The following HECW2 variants were observed in gnomAD, a reference collection of about 807,000 sequenced individuals.
HECW2 encodes E3 ubiquitin-protein ligase HECW2.
A neutral mutation model predicts 175.2 loss-of-function variants in HECW2; 61 were observed. The observed-to-expected ratio is 0.35, with a 90% CI of 0.28 to 0.43. The LOEUF is 0.43. HECW2 is among the 20% of genes least tolerant of loss of function. The pLI is 1.00. For missense variants in HECW2, 1,524 were observed against 2,000.5 expected (o/e 0.76, Z 4.54); for synonymous variants, 671 against 731.0 (o/e 0.92, Z 1.32).
intron 2 of HECW2, among the ~76,000 whole-genome samples, chr2:196,367,330 G>A (rs12327933): frequency 0.34 from 51,062 of 152,016 alleles, 11,436 homozygotes; most frequent in African/African-American, 0.64. Flanking sequence ...GGTCTTAGGC[G>A]TTTGCATTTT....
intron 17 of HECW2, among the ~76,000 whole-genome samples, chr2:196,266,192 A>G (rs1402323941): frequency 1.3e-5 from 2 of 151,068 alleles, no homozygotes; most frequent in African/African-American, 4.9e-5. Flanking sequence ...AAAAAACACA[A>G]AACAATTAGC....
intron 21 of HECW2, chr2:196,239,680 TGAA>T (rs1195109878): frequency 2.0e-5 from 3 of 152,076 alleles, no homozygotes; most frequent in East Asian, 1.9e-4. Flanking sequence ...TGCTGAGTTA[TGAA>T]GAAGATGTTG....
chr2:196,353,370 C>T (rs1204619504), intron 2 of HECW2, among the ~76,000 whole-genome samples: 2 of 152,186 alleles, frequency 1.3e-5, no homozygotes, highest in East Asian at 3.8e-4. Flanking sequence ...ATCCATAATC[C>T]TTATCATCTT....
intron 1 of HECW2, among the ~76,000 whole-genome samples, chr2:196,544,772 A>G (rs777489638): frequency 1.3e-5 from 2 of 152,180 alleles, no homozygotes; most frequent in Non-Finnish European, 2.9e-5. Flanking sequence ...AAAAACTGGC[A>G]TACCACACAC....
chr2:196,554,203 G>A (rs1321106902), intron 1 of HECW2, among the ~76,000 whole-genome samples: 1 of 152,034 alleles, frequency 6.6e-6, no homozygotes, highest in Non-Finnish European at 1.5e-5. Context: ...GCGGGCGCCT[G>A]TAGTCCCAGC....
Position 196,319,612 on chromosome 2 carries a change from A to T in HECW2, c.1278T>A (p.Asn426Lys). ...TCGCTGTCCCCGGCCTGGAGTGGCCATTGTGTTCGATAGCATCTAAGTAAT... is the reference window on the plus strand; with the variant it reads ...TCGCTGTCCCCGGCCTGGAGTGGCCTTTGTGTTCGATAGCATCTAAGTAAT... ...LNDYLDAIEH[N>K]GHSRPGTATC... Residue 426 changes from asparagine (N) to lysine (K), a missense_variant, in exon 9 of 29, where the codon AAT (asparagine) becomes AAA (lysine). Around this residue, in one of 11 missense-constraint regions of HECW2, gnomAD observed 604 missense variants for 588.3 expected, o/e 1.03. Transcript: ENST00000644978. The T allele has an allele frequency of 6.2e-7, 1 of 1,614,198 alleles. No homozygotes were observed. Among genetic ancestry groups the T allele is most frequent in the South Asian group, 1.1e-5 (1 of 91,086 alleles).
chr2:196,350,575 C>T (rs989108946), intron 2 of HECW2, among the ~76,000 whole-genome samples: 1 of 152,158 alleles, frequency 6.6e-6, no homozygotes, highest in African/African-American at 2.4e-5. Context: ...TGCTGTGGAC[C>T]ATGCATATGT....
Position 196,433,384 on chromosome 2 carries a change from G to A in HECW2, c.40C>T (p.Arg14Cys), listed in dbSNP as rs1332568073. 1.2e-6 allele frequency: 2 copies of A among 1,613,976 alleles called. No individual in the cohort carries two copies. The highest frequency in any genetic ancestry group is 1.7e-5 in the Admixed American group (1 of 59,996). The change falls in exon 2 of 29, where the codon CGT becomes TGT. Residue 14 changes from arginine to cysteine, a missense_variant. Arg to Cys is a radical substitution (Grantham distance 180). Coordinates refer to ENST00000644978, the MANE Select transcript of HECW2 (RefSeq NM_001348768.2). ...SAREHLLFVR[R>C]RNPQMRYTLS... ...GTGTACCGCATCTGGGGATTTCGAC[G>A]CCTCACAAAAAGCAGGTGCTCCCGG...
intron 21 of HECW2, among the ~76,000 whole-genome samples, chr2:196,231,467 A>T (rs1286166591): frequency 6.6e-6 from 1 of 152,216 alleles, no homozygotes; most frequent in Non-Finnish European, 1.5e-5. Flanking sequence ...CTGCAGGTCC[A>T]ATCTGCCCCA....
At chr2:196,292,783 C>A (rs766181854) in intron 13 of HECW2, 33 bp from the exon 14 acceptor site, 1 of 1,554,990 alleles carries the variant, frequency 6.4e-7, no homozygotes, top group African/African-American at 1.4e-5. Context: ...AATGTTAACC[C>A]ACTTGTGACA....
At position 196,580,286 on chromosome 2, in the gene HECW2, AG is replaced by A. The variant is rs377079654; in HGVS notation, c.-36+13221del. Among the ~76,000 whole-genome samples, 736 of 152,318 alleles carry A rather than the reference AG, an allele frequency of 4.8e-3. 6 individuals are homozygous for A. The highest frequency in any genetic ancestry group is 0.016 in the African/African-American group (684 of 41,572). ...AAAACAACTAAAGATCAACAAGGAC[AG>A]TTATAACACCAAAAGCACAAGGAAC... On this transcript the variant is annotated intron_variant, in intron 1 of 28. Transcript: ENST00000644978.
chr2:196,578,310 T>G (rs1690634414), intron 1 of HECW2, among the ~76,000 whole-genome samples: 1 of 152,128 alleles, frequency 6.6e-6, no homozygotes, highest in African/African-American at 2.4e-5. Flanking sequence ...ACTGAGGTTA[T>G]GCTGTCTTAG....
chr2:196,202,116 T>C (rs913445449), intron 28 of HECW2, among the ~76,000 whole-genome samples: 3 of 152,186 alleles, frequency 2.0e-5, no homozygotes, highest in Non-Finnish European at 2.9e-5. Context: ...AGTCTCCAAA[T>C]AGTACATCTT....
chr2:196,351,332 T>C (rs1222874216), intron 2 of HECW2, among the ~76,000 whole-genome samples: 5 of 152,144 alleles, frequency 3.3e-5, no homozygotes, highest in Non-Finnish European at 2.9e-5. Context: ...TTCCTGTACA[T>C]GATTCTTGGA....
intron 1 of HECW2, among the ~76,000 whole-genome samples, chr2:196,503,893 G>A (rs1277583572): frequency 6.6e-6 from 1 of 152,138 alleles, no homozygotes; most frequent in Non-Finnish European, 1.5e-5. Flanking sequence ...GCTTTACTGT[G>A]CTCCTTGTGA....
chr2:196,237,003 A>G lies in HECW2; in HGVS notation c.3764+3446T>C, dbSNP rs185571193. ...TGTATGGAAATATTCTGCAAAATAG[A>G]TTTTTTCTTTTTTAGTGAAACCTTT... On this transcript the variant is annotated intron_variant, in intron 21 of 28. Coordinates refer to ENST00000644978, the MANE Select transcript of HECW2 (RefSeq NM_001348768.2). Among the ~76,000 whole-genome samples the G allele has an allele frequency of 3.3e-5, 5 of 152,184 alleles. No homozygotes were observed. The East Asian group carries it at 9.6e-4, about 29-fold the overall frequency.
chr2:196,216,450 T>C (rs539527730), intron 27 of HECW2, among the ~76,000 whole-genome samples: 2 of 151,934 alleles, frequency 1.3e-5, no homozygotes, highest in African/African-American at 4.8e-5. Context: ...TGCCTGAGCA[T>C]CCAGAGACTT....
rs1690063336 is a variant in HECW2 at position 196,278,521 on chromosome 2, G to T, written c.3135+7C>A. 1 of 1,612,968 alleles carries T rather than the reference G, an allele frequency of 6.2e-7. No individual in the cohort carries two copies. Among genetic ancestry groups the T allele is most frequent in the African/African-American group, 1.3e-5 (1 of 74,810 alleles). On this transcript the variant is annotated splice_region_variant and intron_variant, in intron 15 of 28. Transcript: ENST00000644978. ...CAACAGGTCAGTCCCCAAAACGCAT[G>T]ACTCACCTCACCCGCACTGTGGCTG...
chr2:196,469,214 C>T (rs1697097064), intron 1 of HECW2, among the ~76,000 whole-genome samples: 1 of 151,588 alleles, frequency 6.6e-6, no homozygotes, highest in African/African-American at 2.4e-5. Context: ...AGCTGCCCCG[C>T]CTTAAATAAA....
Sources: gnomAD v4.1 joint callset for allele counts (sites outside exome capture counted in the v4.1 genomes callset) on GRCh38, gnomAD v4.1.1 for gene constraint, gnomAD v4.1.1 regional missense constraint, MANE v1.5 for transcripts, NCBI Gene and HGNC (gene_info 2026-07-23, HGNC 2026-07-21) for gene names.